Variants in CSGALNACT2 observed in about 807,000 individuals in gnomAD.
CSGALNACT2 encodes the protein chondroitin sulfate N-acetylgalactosaminyltransferase 2.
CSGALNACT2 carries 35 observed loss-of-function variants against 55.3 expected under a neutral mutation model. That is an observed-to-expected ratio of 0.63 (90% CI 0.48 to 0.84). CSGALNACT2 has a LOEUF of 0.84. Ranked by LOEUF, CSGALNACT2 falls within the 40% of genes least tolerant of loss-of-function variation. The pLI is 0.00. For missense variants in CSGALNACT2, 544 were observed against 657.5 expected, an observed-to-expected ratio of 0.83 and a Z score of 1.89; for synonymous variants, 196 against 224.9, an observed-to-expected ratio of 0.87 and a Z score of 1.15.
chr10:43,169,929 C>G lies in CSGALNACT2; in HGVS notation c.1254+2831C>G, dbSNP rs143171076. The stretch of plus-strand genomic sequence containing the variant: ...TTTGATTCTAGAATTCATATTCAAC[C>G]TACTATTTTAGGACAAAATAGACAT... On this transcript the variant is annotated intron_variant, in intron 6 of 7. Coordinates refer to ENST00000374466, the MANE Select transcript of CSGALNACT2 (RefSeq NM_018590.5). 1.8e-3 allele frequency among the ~76,000 whole-genome samples: 274 copies of G among 152,244 alleles called. 1 individual carries two copies. The highest frequency in any genetic ancestry group is 6.2e-3 in the African/African-American group (256 of 41,548).
rs17158959 is a variant in CSGALNACT2 at position 43,183,612 on chromosome 10, A to G, written c.*70A>G. ...TTTATTTAGCCTTACTTCTACTTCC[A>G]GATGCAGTGCCTCTTTTGGAGAAGA... On this transcript the variant is annotated 3_prime_UTR_variant, in exon 8 of 8. Transcript: ENST00000374466. 4.2e-3 allele frequency: 5,151 copies of G among 1,236,776 alleles called. 140 individuals are homozygous for G. In the African/African-American group the frequency reaches 0.066, roughly 16 times the overall value. 76.6% of individuals were successfully genotyped at this position (1,236,776 alleles called of 1,614,324 possible).
intron 6 of CSGALNACT2, among the ~76,000 whole-genome samples, chr10:43,174,345 C>G (rs1250144910): frequency 6.6e-6 from 1 of 152,092 alleles, no homozygotes; most frequent in African/African-American, 2.4e-5. Context: ...AGACTGTGCC[C>G]ACTCTTCTCA....
At chr10:43,162,825 G>A in intron 4 of CSGALNACT2, 1 of 935,320 alleles carries the variant, frequency 1.1e-6, no homozygotes, top group Non-Finnish European at 1.3e-6. Context: ...TCTCTAACAT[G>A]TTAACACAGG....
At chr10:43,166,205 C>T (rs1016517603) in intron 5 of CSGALNACT2, among the ~76,000 whole-genome samples, 18 of 152,052 alleles carry the variant, frequency 1.2e-4, no homozygotes, top group Admixed American at 8.5e-4. Context: ...ATTTTATATC[C>T]AGAAATAGAT....
intron 1 of CSGALNACT2, among the ~76,000 whole-genome samples, chr10:43,139,514 A>G (rs1160573632): frequency 6.6e-6 from 1 of 152,262 alleles, no homozygotes; most frequent in Non-Finnish European, 1.5e-5. Context: ...CATAAAATAC[A>G]TATGAAATCA....
intron 1 of CSGALNACT2, among the ~76,000 whole-genome samples, chr10:43,143,984 G>C (rs1838688462): frequency 6.6e-6 from 1 of 152,140 alleles, no homozygotes; most frequent in African/African-American, 2.4e-5. Context: ...GAAACATTCT[G>C]ATCTCCTCCT....
intron 7 of CSGALNACT2, among the ~76,000 whole-genome samples, chr10:43,178,220 G>T (rs1839517662): frequency 6.6e-6 from 1 of 152,184 alleles, no homozygotes; most frequent in Non-Finnish European, 1.5e-5. Flanking sequence ...AGGATACCAT[G>T]TGGAACCAAA....
chr10:43,162,368 G>C, intron 4 of CSGALNACT2: 1 of 1,209,500 alleles, frequency 8.3e-7, no homozygotes, highest in East Asian at 4.7e-5. Flanking sequence ...CAGGTTGGGT[G>C]GGGGTATTGG....
At chr10:43,166,955 G>A (rs776170901) in intron 5 of CSGALNACT2, 49 bp from the exon 6 acceptor site, 2 of 1,149,152 alleles carry the variant, frequency 1.7e-6, no homozygotes, top group African/African-American at 1.5e-5. Context: ...ATAAAGAACA[G>A]TTCTTCATAA....
At chr10:43,164,378 TGA>T (rs1839214985) in intron 5 of CSGALNACT2, among the ~76,000 whole-genome samples, 1 of 152,118 alleles carries the variant, frequency 6.6e-6, no homozygotes, top group African/African-American at 2.4e-5. Context: ...GAGATGTGTG[TGA>T]GAGTCTGAAG....
chr10:43,162,238 C>T (rs202179062), intron 4 of CSGALNACT2: 69 of 524,346 alleles, frequency 1.3e-4, no homozygotes, highest in Non-Finnish European at 3.0e-5. Flanking sequence ...TGACTGTTGG[C>T]GGCTCTGGGC....
chr10:43,162,017 G>T (rs1839159755), intron 4 of CSGALNACT2, among the ~76,000 whole-genome samples: 1 of 152,178 alleles, frequency 6.6e-6, no homozygotes, highest in Non-Finnish European at 1.5e-5. Flanking sequence ...AGGAAAATAG[G>T]AGCAGTATTG....
intron 6 of CSGALNACT2, among the ~76,000 whole-genome samples, chr10:43,175,450 G>C (rs1318591492): frequency 6.6e-6 from 1 of 152,152 alleles, no homozygotes; most frequent in Non-Finnish European, 1.5e-5. Flanking sequence ...GAGCCAGTAA[G>C]TAAGTGAGCC....
In CSGALNACT2 at chr10:43,161,502, A is replaced by T. The variant is rs144926424; in HGVS notation, c.980+907A>T. On this transcript the variant is annotated intron_variant, in intron 4 of 7. Transcript: ENST00000374466. ...ATTCTTCTCAAATCATTCAACTCACATTCATTGAGTCCTGCCTACTGTGTT... is the reference window on the plus strand; with the variant it reads ...ATTCTTCTCAAATCATTCAACTCACTTTCATTGAGTCCTGCCTACTGTGTT... Among the ~76,000 whole-genome samples, 59 of 152,272 alleles carry T rather than the reference A, an allele frequency of 3.9e-4. No individual in the cohort carries two copies. In the East Asian group the frequency reaches 0.011, roughly 27 times the overall value.
intron 6 of CSGALNACT2, among the ~76,000 whole-genome samples, chr10:43,168,904 G>A (rs190184531): frequency 2.0e-4 from 31 of 152,310 alleles, no homozygotes; most frequent in African/African-American, 6.3e-4. Flanking sequence ...AGCAGTTAGC[G>A]TAAGATTTCT....
intron 6 of CSGALNACT2, among the ~76,000 whole-genome samples, chr10:43,174,437 C>T (rs879082017): frequency 1.3e-5 from 2 of 152,274 alleles, no homozygotes; most frequent in Admixed American, 1.3e-4. Context: ...CACTCAGATT[C>T]ATTATGGCCA....
rs192574798 is a variant in CSGALNACT2 at position 43,184,190 on chromosome 10, T to A, written c.*648T>A. 2 of 152,494 alleles carry A rather than the reference T, an allele frequency of 1.3e-5. No individual in the cohort carries two copies. Among genetic ancestry groups the A allele is most frequent in the Non-Finnish European group, 2.9e-5 (2 of 68,146 alleles). The allele number at this position is 152,494 out of a possible 1,614,324, so 9.4% of individuals were successfully genotyped here. On this transcript the variant is annotated 3_prime_UTR_variant, in exon 8 of 8. Coordinates refer to ENST00000374466, the MANE Select transcript of CSGALNACT2 (RefSeq NM_018590.5). Reference sequence around the variant, plus strand: ...AAATAGGTTAGAATCTATGGCTTGATTAAAAATATGTTATTACATTATCAT... The same window carrying A: ...AAATAGGTTAGAATCTATGGCTTGAATAAAAATATGTTATTACATTATCAT...
At position 43,155,036 on chromosome 10, in the gene CSGALNACT2, C is replaced by T. The variant is rs547127881; in HGVS notation, c.-114C>T. On this transcript the variant is annotated 5_prime_UTR_variant, in exon 2 of 8. In the 5' UTR this introduces an upstream ATG that the reference lacks. Transcript: ENST00000374466. ...CTGAAGAAAGAAAAACTTAAAGCTACGGCAGAATTATTTTATGGAAATTCT... is the reference window on the plus strand; with the variant it reads ...CTGAAGAAAGAAAAACTTAAAGCTATGGCAGAATTATTTTATGGAAATTCT... 1.4e-4 allele frequency: 126 copies of T among 875,264 alleles called. 2 individuals carry two copies. The South Asian group carries it at 1.9e-3, about 13-fold the overall frequency. The allele number at this position is 875,264 out of a possible 1,614,324, so 54.2% of individuals were successfully genotyped here.
At chr10:43,174,507 A>G (rs1839442370) in intron 6 of CSGALNACT2, among the ~76,000 whole-genome samples, 1 of 152,140 alleles carries the variant, frequency 6.6e-6, no homozygotes, top group African/African-American at 2.4e-5. Context: ...CATCTTAGGG[A>G]TAGCACCATT....
Sources: allele counts gnomAD v4.1 joint callset (sites outside exome capture counted in the v4.1 genomes callset), GRCh38; gene constraint gnomAD v4.1.1; transcripts MANE v1.5; gene names NCBI Gene and HGNC (gene_info 2026-07-23, HGNC 2026-07-21).